ME3: variants seen among roughly 807,000 people sequenced by gnomAD.
The protein encoded by ME3 is malic enzyme 3.
In ME3, 48 loss-of-function variants were observed where a neutral mutation model predicts 68.9. That is an observed-to-expected ratio of 0.70 (90% CI 0.55 to 0.89). The LOEUF is 0.89. Among genes scored for constraint, ME3 ranks in the 40% least tolerant of loss-of-function variants. The pLI is 0.00. For missense variants in ME3, 675 were observed against 797.4 expected, an observed-to-expected ratio of 0.85 and a Z score of 1.85; for synonymous variants, 320 against 318.8, an observed-to-expected ratio of 1.00 and a Z score of -0.04.
intron 5 of ME3, among the ~76,000 whole-genome samples, chr11:86,504,340 T>C (rs1952920489): frequency 6.6e-6 from 1 of 150,630 alleles, no homozygotes; most frequent in Non-Finnish European, 1.5e-5. Flanking sequence ...ACAAGTCACT[T>C]AACCTCAGTT....
At chr11:86,449,992 C>T (rs942732914) in exon 10 of ME3, 4 of 1,611,576 alleles carry the variant, frequency 2.5e-6, no homozygotes, top group Admixed American at 3.4e-5. Context: ...GTGGGCAATG[C>T]CCATAGCTGC....
intron 4 of ME3, among the ~76,000 whole-genome samples, chr11:86,529,761 T>C (rs1055364122): frequency 6.6e-6 from 1 of 152,188 alleles, no homozygotes; most frequent in Non-Finnish European, 1.5e-5. Flanking sequence ...AAAAACCACA[T>C]GATTATCTCA....
At chr11:86,585,462 G>A (rs1424871881) in intron 2 of ME3, among the ~76,000 whole-genome samples, 1 of 152,168 alleles carries the variant, frequency 6.6e-6, no homozygotes, top group Non-Finnish European at 1.5e-5. Flanking sequence ...GAGTGAGAGA[G>A]AGGGGTCAAG....
intron 2 of ME3, among the ~76,000 whole-genome samples, chr11:86,655,067 A>G (rs1482964782): frequency 6.6e-6 from 1 of 152,218 alleles, no homozygotes; most frequent in East Asian, 1.9e-4. Context: ...TTCAAGGAGA[A>G]CTACAAACCA....
chr11:86,614,074 T>C (rs140364398), intron 2 of ME3, among the ~76,000 whole-genome samples: 207 of 152,318 alleles, frequency 1.4e-3, no homozygotes, highest in African/African-American at 3.3e-3. Flanking sequence ...TAAACTATAC[T>C]ACAAGGCTAC....
At chr11:86,643,678 A>C (rs1486887221) in intron 2 of ME3, among the ~76,000 whole-genome samples, 2 of 152,230 alleles carry the variant, frequency 1.3e-5, no homozygotes, top group African/African-American at 4.8e-5. Context: ...ATATAATATG[A>C]AACCTATTAT....
At chr11:86,628,642 T>C (rs1327855118) in intron 2 of ME3, among the ~76,000 whole-genome samples, 1 of 152,216 alleles carries the variant, frequency 6.6e-6, no homozygotes, top group East Asian at 1.9e-4. Context: ...GATCTAGACA[T>C]CAGTCTTACC....
chr11:86,633,985 A>G (rs12575285), intron 2 of ME3, among the ~76,000 whole-genome samples: 10,751 of 152,234 alleles, frequency 0.071, 457 homozygotes, highest in East Asian at 0.14. Context: ...AAGAAAAGGA[A>G]CCAGAATTTC....
chr11:86,493,482 C>T (rs559793521), intron 6 of ME3, among the ~76,000 whole-genome samples: 1 of 152,342 alleles, frequency 6.6e-6, no homozygotes, highest in Admixed American at 6.5e-5. Context: ...CTTGGGGAAG[C>T]GCTTTCTGCT....
chr11:86,667,958 A>C (rs1353807079), intron 2 of ME3: 3 of 152,212 alleles, frequency 2.0e-5, no homozygotes, highest in Admixed American at 2.0e-4. Context: ...AGGTCATTAC[A>C]TAAATTTTAG....
chr11:86,625,671 G>A (rs186119316), intron 2 of ME3, among the ~76,000 whole-genome samples: 325 of 152,272 alleles, frequency 2.1e-3, no homozygotes, highest in African/African-American at 7.3e-3. Flanking sequence ...AAGAAACCCC[G>A]TCACTGCTGT....
chr11:86,475,983 A>G (rs557113278), intron 7 of ME3, among the ~76,000 whole-genome samples: 84 of 151,960 alleles, frequency 5.5e-4, no homozygotes, highest in African/African-American at 1.7e-3. Context: ...AAACATTGCA[A>G]TCGGGGCTTA....
At chr11:86,498,313 G>A (rs1952499875) in intron 5 of ME3, among the ~76,000 whole-genome samples, 189 bp from the exon 6 acceptor site, 1 of 152,138 alleles carries the variant, frequency 6.6e-6, no homozygotes, top group African/African-American at 2.4e-5. Context: ...TGGCAGGCTG[G>A]TGACAAACCC....
chr11:86,662,583 TAAGACCCTGTCTGTAAA>T (rs1946350548), intron 2 of ME3, among the ~76,000 whole-genome samples: 2 of 152,014 alleles, frequency 1.3e-5, no homozygotes, highest in African/African-American at 4.8e-5. Flanking sequence ...GGTGACAGAG[TAAGACCCTGTCTGTAAA>T]AAAATAAAAA....
At chr11:86,450,303 C>G (rs144643070) in exon 9 of ME3, 1 of 1,614,020 alleles carries the variant, frequency 6.2e-7, no homozygotes, top group Non-Finnish European at 8.5e-7. Flanking sequence ...CCACATACCT[C>G]GCCTGCACCT....
downstream of ME3, among the ~76,000 whole-genome samples, chr11:86,437,911 G>C (rs150151675): frequency 3.9e-5 from 6 of 152,002 alleles, no homozygotes; most frequent in Non-Finnish European, 7.4e-5. Context: ...TTTACATGCA[G>C]GATTAGGTCA....
At chr11:86,500,107 G>A (rs778256170) in intron 5 of ME3, among the ~76,000 whole-genome samples, 4 of 152,148 alleles carry the variant, frequency 2.6e-5, no homozygotes, top group Non-Finnish European at 2.9e-5. Context: ...ACCTCCTCTT[G>A]GTAGATCTCC....
chr11:86,648,909 AT>A (rs1263612397), intron 2 of ME3, among the ~76,000 whole-genome samples: 1 of 152,202 alleles, frequency 6.6e-6, no homozygotes, highest in Non-Finnish European at 1.5e-5. Flanking sequence ...AGCTGGTACC[AT>A]TCCTTCTAAA....
At chr11:86,477,361 G>GAGT (rs1555207228) in intron 7 of ME3, among the ~76,000 whole-genome samples, 108 of 152,058 alleles carry the variant, frequency 7.1e-4, no homozygotes, top group Non-Finnish European at 1.4e-3. Flanking sequence ...AAAATAAAGT[G>GAGT]AATAGTACCT....
Sources: allele counts gnomAD v4.1 joint callset (sites outside exome capture counted in the v4.1 genomes callset), GRCh38; gene constraint gnomAD v4.1.1; transcripts MANE v1.5; gene names NCBI Gene and HGNC (gene_info 2026-07-23, HGNC 2026-07-21).